The following AOPEP variants were observed in gnomAD, a reference collection of about 807,000 sequenced individuals.
AOPEP encodes aminopeptidase O.
In AOPEP, 77 loss-of-function variants were observed where a neutral mutation model predicts 98.1. That is an observed-to-expected ratio of 0.78 (90% confidence interval 0.65 to 0.95). The LOEUF is 0.95. Among genes scored for constraint, AOPEP ranks in the 40% least tolerant of loss-of-function variants. The pLI is 0.00. For synonymous variants in AOPEP, 346 were observed against 365.3 expected (o/e 0.95, Z 0.60); for missense variants, 1,024 against 1,024.7 (o/e 1.00, Z 0.01).
chr9:95,050,805 T>C (rs868625569), intron 13 of AOPEP, among the ~76,000 whole-genome samples: 1 of 152,246 alleles, frequency 6.6e-6, no homozygotes, highest in Non-Finnish European at 1.5e-5. Context: ...AAAATATTTA[T>C]GTTGTCTTGA....
At chr9:94,987,703 C>T (rs989626922) in intron 11 of AOPEP, among the ~76,000 whole-genome samples, 2 of 152,118 alleles carry the variant, frequency 1.3e-5, no homozygotes, top group Admixed American at 6.5e-5. Context: ...ACTGGGTGAA[C>T]GCATTTTGAT....
At chr9:94,931,809 T>G in intron 7 of AOPEP, 1 of 1,546,482 alleles carries the variant, frequency 6.5e-7, no homozygotes, top group Non-Finnish European at 8.7e-7. Flanking sequence ...AAACGCTTTC[T>G]TCTTAAAGCA....
intron 11 of AOPEP, among the ~76,000 whole-genome samples, chr9:94,982,306 A>T (rs1367727088): frequency 1.3e-5 from 2 of 152,188 alleles, no homozygotes; most frequent in African/African-American, 4.8e-5. Context: ...TAAAAATAAC[A>T]TGCCCTCCGT....
At chr9:94,981,179 A>G (rs983455065) in intron 11 of AOPEP, among the ~76,000 whole-genome samples, 19 of 152,292 alleles carry the variant, frequency 1.2e-4, no homozygotes, top group Admixed American at 1.2e-3. Flanking sequence ...GGGGCTCTGT[A>G]ATTTCCCCTG....
Position 95,024,969 on chromosome 9 carries a change from T to A in AOPEP, c.2115+19353T>A, listed in dbSNP as rs369632340. The stretch of plus-strand genomic sequence containing the variant: ...TTACTTTATTAGCTTCATATTTATT[T>A]ATTTGTTATTGATGGATAATAGGTA... On this transcript the variant is annotated intron_variant, in intron 13 of 16. Coordinates refer to ENST00000375315, the MANE Select transcript of AOPEP (RefSeq NM_001193329.3). Among the ~76,000 whole-genome samples the A allele has an allele frequency of 3.8e-3, 577 of 152,356 alleles. 1 individual carries two copies. Among genetic ancestry groups the A allele is most frequent in the African/African-American group, 0.012 (518 of 41,578 alleles).
At chr9:94,744,828 CT>C (rs1834099397) in intron 1 of AOPEP, among the ~76,000 whole-genome samples, 1 of 151,524 alleles carries the variant, frequency 6.6e-6, no homozygotes, top group African/African-American at 2.4e-5. Flanking sequence ...AGATACAGTG[CT>C]TTAAGTGCTC....
intron 2 of AOPEP, among the ~76,000 whole-genome samples, chr9:94,761,310 A>G (rs529396207): frequency 1.6e-4 from 25 of 152,320 alleles, no homozygotes; most frequent in Non-Finnish European, 3.1e-4. Context: ...AATTGTTCAG[A>G]TTTTTAAAAA....
chr9:95,125,859 A>G, the AOPEP span, among the ~76,000 whole-genome samples: 8 of 151,860 alleles, frequency 5.3e-5, no homozygotes, highest in Admixed American at 5.2e-4. Context: ...GGGCTGGGAC[A>G]CTCCCAGGTG....
At chr9:95,001,916 C>T (rs1214380278) in intron 11 of AOPEP, among the ~76,000 whole-genome samples, 5 of 151,548 alleles carry the variant, frequency 3.3e-5, no homozygotes, top group South Asian at 2.1e-4. Flanking sequence ...TAGCTGGTAC[C>T]GCAGGCTAAC....
intron 5 of AOPEP, among the ~76,000 whole-genome samples, chr9:94,875,613 T>C (rs1005875859): frequency 6.6e-6 from 1 of 152,234 alleles, no homozygotes; most frequent in Non-Finnish European, 1.5e-5. Context: ...GCCATTGTTA[T>C]AGAAGCACAC....
intron 16 of AOPEP, among the ~76,000 whole-genome samples, chr9:95,084,527 TC>T (rs2134294870): frequency 6.6e-6 from 1 of 152,332 alleles, no homozygotes; most frequent in African/African-American, 2.4e-5. Context: ...ATGGTGTTTC[TC>T]TTTCGTTTTG....
intron 5 of AOPEP, among the ~76,000 whole-genome samples, chr9:94,852,743 C>T (rs201890832): frequency 5.3e-5 from 8 of 152,172 alleles, no homozygotes; most frequent in African/African-American, 1.4e-4. Context: ...AATTAAAAAT[C>T]GTGTGAATCA....
chr9:95,082,532 C>G lies in AOPEP; in HGVS notation c.2320-43C>G, dbSNP rs575998221. The G allele has an allele frequency of 2.5e-4, 408 of 1,605,982 alleles. 4 individuals are homozygous for G. In the South Asian group the frequency reaches 4.3e-3, roughly 17 times the overall value. On this transcript the variant is annotated intron_variant, in intron 15 of 16. Coordinates refer to ENST00000375315, the MANE Select transcript of AOPEP (RefSeq NM_001193329.3). ...GCTCATGTGTGCGTGTGTGTGGGTA[C>G]CCACACCTTCGCCTGATGCCCTTTG...
At chr9:94,796,097 T>C (rs1486861156) in intron 4 of AOPEP, among the ~76,000 whole-genome samples, 1 of 152,096 alleles carries the variant, frequency 6.6e-6, no homozygotes, top group Non-Finnish European at 1.5e-5. Flanking sequence ...ACCCTCTGTG[T>C]GCAAGCAGAT....
chr9:94,843,379 C>T (rs976205799), intron 5 of AOPEP, among the ~76,000 whole-genome samples: 1 of 152,220 alleles, frequency 6.6e-6, no homozygotes, highest in African/African-American at 2.4e-5. Context: ...TAATTCCAGC[C>T]TCCAACCCTT....
At chr9:94,992,637 AG>A (rs1195743055) in intron 11 of AOPEP, among the ~76,000 whole-genome samples, 8 of 152,224 alleles carry the variant, frequency 5.3e-5, no homozygotes. Context: ...CTTTGGAGTC[AG>A]CTCTACCACC....
At chr9:95,075,563 G>T (rs971463617) in intron 14 of AOPEP, among the ~76,000 whole-genome samples, 1 of 152,090 alleles carries the variant, frequency 6.6e-6, no homozygotes, top group African/African-American at 2.4e-5. Flanking sequence ...TGAATAGACA[G>T]TTACTAGAAA....
chr9:94,776,514 C>T (rs1842131953), intron 3 of AOPEP, among the ~76,000 whole-genome samples: 1 of 152,196 alleles, frequency 6.6e-6, no homozygotes, highest in South Asian at 2.1e-4. Flanking sequence ...GTTGCCCAGG[C>T]TGGGCTCGAA....
the AOPEP span, among the ~76,000 whole-genome samples, chr9:95,143,238 C>T: frequency 1.3e-5 from 2 of 152,224 alleles, no homozygotes; most frequent in African/African-American, 4.8e-5. Flanking sequence ...TCCAGGCCCT[C>T]TCCAGGCACG....
Sources: gnomAD v4.1 joint callset for allele counts (sites outside exome capture counted in the v4.1 genomes callset) on GRCh38, gnomAD v4.1.1 for gene constraint, MANE v1.5 for transcripts, NCBI Gene and HGNC (gene_info 2026-07-23, HGNC 2026-07-21) for gene names.